The following AFF2 variants were observed in gnomAD, a reference collection of about 807,000 sequenced individuals.
AFF2 encodes the protein ALF transcription elongation factor 2.
AFF2 carries 14 observed loss-of-function variants against 76.9 expected under a neutral mutation model. That is an observed-to-expected ratio of 0.18 (90% confidence interval 0.12 to 0.28). AFF2 has a LOEUF of 0.28. AFF2 is among the 10% of genes least tolerant of loss of function. The pLI is 1.00. For synonymous variants in AFF2, 398 were observed against 366.7 expected (o/e 1.09, Z -0.98); for missense variants, 868 against 1,001.1 (o/e 0.87, Z 1.79).
At chrX:148,708,955 A>C (rs782479067) in intron 3 of AFF2, among the ~76,000 whole-genome samples, 2 of 111,844 alleles carry the variant, frequency 1.8e-5, no homozygotes, top group Non-Finnish European at 3.8e-5. Flanking sequence ...AATTTATGTT[A>C]GATTTTGCAT....
chrX:148,879,754 GA>G (rs369025024), intron 7 of AFF2, among the ~76,000 whole-genome samples: 174 of 86,912 alleles, frequency 2.0e-3, no homozygotes, highest in African/African-American at 6.7e-3. Flanking sequence ...TTCTTCTTTT[GA>G]TTTTTTTACA....
intron 3 of AFF2, among the ~76,000 whole-genome samples, chrX:148,707,350 A>C (rs1462958604): frequency 9.0e-6 from 1 of 111,224 alleles, no homozygotes; most frequent in Non-Finnish European, 1.9e-5. Flanking sequence ...TGTGTATTGT[A>C]GGCATTAACA....
At chrX:148,678,418 A>C (rs12389912) in intron 3 of AFF2, among the ~76,000 whole-genome samples, 5,265 of 112,238 alleles carry the variant, frequency 0.047, 316 homozygotes, top group African/African-American at 0.16. Flanking sequence ...TGAGTGGGGG[A>C]CAAGGAGTGG....
In AFF2 at chrX:148,971,835, C is replaced by T. The variant is rs375630927; in HGVS notation, c.3268-1636C>T. ...ATGTGCACATTGTGCAGGTTAGTTA[C>T]ATATGTATACATGTGCCATGCTGGT... is the stretch of plus-strand genomic sequence containing the variant. On this transcript the variant is annotated intron_variant, in intron 15 of 20. Coordinates refer to ENST00000370460, the MANE Select transcript of AFF2 (RefSeq NM_002025.4). Among the ~76,000 whole-genome samples, 108 of 38,241 alleles carry T rather than the reference C, an allele frequency of 2.8e-3. 2 individuals are homozygous for T. The South Asian group carries it at 0.041, about 15-fold the overall frequency. The allele number at this position is 38,241 out of a possible 115,157, so 33.2% of individuals were successfully genotyped here.
chrX:148,881,056 C>T (rs1557278421), intron 7 of AFF2, among the ~76,000 whole-genome samples: 1 of 112,204 alleles, frequency 8.9e-6, no homozygotes, highest in East Asian at 2.8e-4. Flanking sequence ...TGGAAGAGTA[C>T]ATCTGAGAAT....
chrX:148,769,155 G>A (rs1412099330), intron 3 of AFF2, among the ~76,000 whole-genome samples: 4 of 111,082 alleles, frequency 3.6e-5, no homozygotes, highest in Non-Finnish European at 5.7e-5. Flanking sequence ...AAGAAAACTT[G>A]GTAGATGAAA....
chrX:148,832,685 C>T lies in AFF2; in HGVS notation c.1087-4962C>T, dbSNP rs2070468649. 2.7e-5 allele frequency among the ~76,000 whole-genome samples: 3 copies of T among 111,884 alleles called. No individual in the cohort carries two copies. The South Asian group carries it at 1.1e-3, about 42-fold the overall frequency. On this transcript the variant is annotated intron_variant, in intron 4 of 20. Transcript: ENST00000370460. ...CCTTATGCCAAGCCTGTGAGGTAGGCAGAACAGGTAGAATCAGAGATGAAC... is the reference window on the plus strand; with the variant it reads ...CCTTATGCCAAGCCTGTGAGGTAGGTAGAACAGGTAGAATCAGAGATGAAC...
At chrX:148,895,717 A>G (rs782116786) in intron 8 of AFF2, among the ~76,000 whole-genome samples, 1 of 110,977 alleles carries the variant, frequency 9.0e-6, no homozygotes, top group Admixed American at 9.6e-5. Flanking sequence ...GTCTGTTCCA[A>G]TCCCATATGC....
intron 9 of AFF2, among the ~76,000 whole-genome samples, chrX:148,927,300 C>A (rs1256594673): frequency 1.8e-5 from 2 of 111,911 alleles, no homozygotes; most frequent in Admixed American, 1.9e-4. Flanking sequence ...TTATAGCAGT[C>A]AGACTAAATA....
intron 3 of AFF2, among the ~76,000 whole-genome samples, chrX:148,745,767 G>A (rs2055413087): frequency 9.0e-6 from 1 of 110,600 alleles, no homozygotes; most frequent in African/African-American, 3.3e-5. Context: ...TTTTTAGACA[G>A]AGTCTGACTC....
chrX:148,536,307 A>T lies in AFF2; in HGVS notation c.47+35163A>T, dbSNP rs1051864525. On this transcript the variant is annotated intron_variant, in intron 1 of 20. Transcript: ENST00000370460. ...TCAACACTATCTGCCTTCCATCAGCAGGCAATCTTGTGCCTGGTTGTGGGT... is the reference window on the plus strand; with the variant it reads ...TCAACACTATCTGCCTTCCATCAGCTGGCAATCTTGTGCCTGGTTGTGGGT... Among the ~76,000 whole-genome samples the T allele has an allele frequency of 2.7e-5, 3 of 111,371 alleles. No individual in the cohort carries two copies. The Admixed American group carries it at 2.9e-4, about 11-fold the overall frequency.
chrX:148,616,368 T>C (rs1351302904), intron 1 of AFF2, among the ~76,000 whole-genome samples: 1 of 111,378 alleles, frequency 9.0e-6, no homozygotes, highest in Non-Finnish European at 1.9e-5. Context: ...CAAGGCACCA[T>C]TGCAACCCAA....
intron 2 of AFF2, among the ~76,000 whole-genome samples, chrX:148,652,922 A>G (rs782685882): frequency 2.7e-5 from 3 of 112,292 alleles, no homozygotes; most frequent in African/African-American, 6.5e-5. Flanking sequence ...AATAAAAATG[A>G]TGTAAGAAGT....
chrX:148,690,948 T>C (rs1192621073), intron 3 of AFF2, among the ~76,000 whole-genome samples: 1 of 111,596 alleles, frequency 9.0e-6, no homozygotes, highest in African/African-American at 3.3e-5. Context: ...CCTGTGTGTA[T>C]CTTAATCTCT....
intron 1 of AFF2, among the ~76,000 whole-genome samples, chrX:148,550,079 G>C (rs2052973049): frequency 8.9e-6 from 1 of 111,752 alleles, no homozygotes; most frequent in Non-Finnish European, 1.9e-5. Context: ...ACAGAATTCA[G>C]ATTTAGTCAA....
chrX:148,560,930 G>A (rs1347580706), intron 1 of AFF2, among the ~76,000 whole-genome samples: 1 of 111,440 alleles, frequency 9.0e-6, no homozygotes, highest in African/African-American at 3.3e-5. Flanking sequence ...CGCCACTTCA[G>A]TGTGAATGTA....
intron 1 of AFF2, among the ~76,000 whole-genome samples, chrX:148,524,944 GA>G (rs1418393251): frequency 1.8e-5 from 2 of 112,074 alleles, no homozygotes; most frequent in Admixed American, 1.9e-4. Flanking sequence ...CAAGTTTTGA[GA>G]AATTAGGTCA....
At chrX:148,506,387 G>A (rs1435149476) in intron 1 of AFF2, among the ~76,000 whole-genome samples, 5 of 111,199 alleles carry the variant, frequency 4.5e-5, no homozygotes, top group East Asian at 5.6e-4. Flanking sequence ...TTATTTAGCC[G>A]TCACTGAAAC....
At chrX:148,898,172 G>A (rs1431413305) in intron 8 of AFF2, among the ~76,000 whole-genome samples, 5 of 112,005 alleles carry the variant, frequency 4.5e-5, no homozygotes, top group African/African-American at 1.6e-4. Flanking sequence ...TCATCTTTGG[G>A]CTGGATGCTC....
Sources: allele counts gnomAD v4.1 joint callset (sites outside exome capture counted in the v4.1 genomes callset), GRCh38; gene constraint gnomAD v4.1.1; transcripts MANE v1.5; gene names NCBI Gene and HGNC (gene_info 2026-07-23, HGNC 2026-07-21).